The following MEIS2 variants were observed in gnomAD, a reference collection of about 807,000 sequenced individuals.
MEIS2 encodes the protein Meis homeobox 2.
A neutral mutation model predicts 58.6 loss-of-function variants in MEIS2; 9 were observed. The observed-to-expected ratio is 0.15, with a 90% CI of 0.09 to 0.27. The LOEUF is 0.27. Among genes scored for constraint, MEIS2 ranks in the 10% least tolerant of loss-of-function variants. MEIS2 has a pLI of 1.00. For missense variants in MEIS2, 427 were observed against 635.0 expected (o/e 0.67, Z 3.52); for synonymous variants, 221 against 228.4 (o/e 0.97, Z 0.29).
At chr15:37,004,144 C>T (rs559196492) in intron 8 of MEIS2, among the ~76,000 whole-genome samples, 83 of 152,248 alleles carry the variant, frequency 5.5e-4, no homozygotes, top group Non-Finnish European at 9.6e-4. Flanking sequence ...GTTGGTCATG[C>T]CTAGCAGTTT....
chr15:37,083,698 T>A (rs552549103), intron 7 of MEIS2, 73 bp downstream of exon 7: 2 of 1,250,178 alleles, frequency 1.6e-6, no homozygotes, highest in Admixed American at 1.9e-5. Flanking sequence ...GCGGCAGATG[T>A]ACTGATATCA....
chr15:36,941,083 G>A (rs1178959506), intron 9 of MEIS2, among the ~76,000 whole-genome samples: 1 of 151,978 alleles, frequency 6.6e-6, no homozygotes, highest in Non-Finnish European at 1.5e-5. Flanking sequence ...CACAAACACG[G>A]AAACACAGAA....
chr15:37,040,363 T>A (rs1050565485), intron 7 of MEIS2, among the ~76,000 whole-genome samples: 1 of 152,164 alleles, frequency 6.6e-6, no homozygotes, highest in African/African-American at 2.4e-5. Context: ...AACTTATCAA[T>A]GAGCTTATGC....
intron 7 of MEIS2, among the ~76,000 whole-genome samples, chr15:37,074,635 G>A (rs772067066): frequency 9.2e-5 from 14 of 151,940 alleles, no homozygotes; most frequent in Non-Finnish European, 1.8e-4. Context: ...AAGAGAGAGA[G>A]TAATAAAGGA....
chr15:37,006,668 C>T (rs191678268), intron 8 of MEIS2, among the ~76,000 whole-genome samples: 2 of 152,352 alleles, frequency 1.3e-5, no homozygotes, highest in East Asian at 1.9e-4. Context: ...TTACAACTGA[C>T]GTAGCTCACT....
chr15:37,092,399 T>C (rs935479781), intron 6 of MEIS2, among the ~76,000 whole-genome samples: 4 of 152,146 alleles, frequency 2.6e-5, no homozygotes, highest in Non-Finnish European at 5.9e-5. Context: ...CAGTCAGGAA[T>C]TGGGATGGGA....
chr15:36,891,578 A>T lies in MEIS2; in HGVS notation c.*595T>A, dbSNP rs1428721154. 1 of 153,534 alleles carries T rather than the reference A, an allele frequency of 6.5e-6. No individual in the cohort carries two copies. The highest frequency in any genetic ancestry group is 2.4e-5 in the African/African-American group (1 of 41,474). 9.5% of individuals were successfully genotyped at this position (153,534 alleles called of 1,614,324 possible). A position where few individuals can be genotyped will look rare whatever the true frequency, so the allele number is the denominator to read the frequency against. On this transcript the variant is annotated 3_prime_UTR_variant, in exon 12 of 12. Coordinates refer to ENST00000561208, the MANE Select transcript of MEIS2 (RefSeq NM_170675.5). ...AGAATTGGCTTATGAAGCACGAACTATAAAGATCTGTTTGAAACTAAAGGA... is the reference window on the plus strand; with the variant it reads ...AGAATTGGCTTATGAAGCACGAACTTTAAAGATCTGTTTGAAACTAAAGGA...
intron 8 of MEIS2, among the ~76,000 whole-genome samples, chr15:36,978,634 G>T (rs952623476): frequency 2.0e-5 from 3 of 152,030 alleles, no homozygotes; most frequent in African/African-American, 7.3e-5. Flanking sequence ...ATCCAGAAAG[G>T]GCTAGTATTT....
Position 37,098,136 on chromosome 15 carries a change from C to T in MEIS2, c.76G>A (p.Asp26Asn). The change falls in exon 2 of 12, where the codon GAC (aspartate) becomes AAC (asparagine). Residue 26 changes from aspartate (D) to asparagine (N), a missense_variant. By Grantham distance (23) the Asp-to-Asn change is conservative. Transcript: ENST00000561208. Reference sequence around the variant, plus strand: ...GGGATCGGCCGCGGCGCGTGAGGGTCTCCGTACATGGAAGCGGGAACCCCT... The same window carrying T: ...GGGATCGGCCGCGGCGCGTGAGGGTTTCCGTACATGGAAGCGGGAACCCCT... Reference protein sequence around the residue: ...GVGVPASMYGDPHAPRPIPPV... With the variant: ...GVGVPASMYGNPHAPRPIPPV... 6.2e-7 allele frequency: 1 copy of T among 1,613,370 alleles called. No homozygotes were observed.
chr15:37,028,094 A>G (rs553120125), intron 8 of MEIS2, among the ~76,000 whole-genome samples: 1 of 152,328 alleles, frequency 6.6e-6, no homozygotes, highest in South Asian at 2.1e-4. Context: ...CTGCCTATCA[A>G]TTACCTATTT....
At chr15:37,095,923 G>A (rs1349025706) in intron 3 of MEIS2, 2 of 457,856 alleles carry the variant, frequency 4.4e-6, no homozygotes, top group Non-Finnish European at 7.9e-6. Flanking sequence ...GCCTGGGACC[G>A]CTCGGAGAGG....
intron 9 of MEIS2, among the ~76,000 whole-genome samples, chr15:36,910,476 G>A (rs1421856690): frequency 6.6e-6 from 1 of 152,132 alleles, no homozygotes; most frequent in Non-Finnish European, 1.5e-5. Context: ...CCTGACTCTA[G>A]TTGTTCAGAT....
intron 8 of MEIS2, among the ~76,000 whole-genome samples, chr15:37,008,189 C>G (rs1337053570): frequency 6.6e-6 from 1 of 152,174 alleles, no homozygotes; most frequent in Non-Finnish European, 1.5e-5. Context: ...GATTATCTAG[C>G]TGGCTTGCTA....
At chr15:36,905,608 C>A (rs1447324878) in intron 9 of MEIS2, among the ~76,000 whole-genome samples, 1 of 152,042 alleles carries the variant, frequency 6.6e-6, no homozygotes, top group African/African-American at 2.4e-5. Flanking sequence ...TAATGTAAGG[C>A]TTATTTTCAT....
intron 6 of MEIS2, among the ~76,000 whole-genome samples, chr15:37,091,318 T>C (rs898785334): frequency 6.6e-6 from 1 of 152,150 alleles, no homozygotes; most frequent in Non-Finnish European, 1.5e-5. Flanking sequence ...CTGCATAAAA[T>C]ACAAGTCTGT....
chr15:37,077,582 T>C (rs1303198589), intron 7 of MEIS2, among the ~76,000 whole-genome samples: 1 of 152,072 alleles, frequency 6.6e-6, no homozygotes, highest in African/African-American at 2.4e-5. Context: ...ACCCAATTAA[T>C]ATGAAATGCT....
intron 8 of MEIS2, chr15:36,972,859 T>C (rs1567127908): frequency 6.6e-6 from 1 of 152,174 alleles, no homozygotes; most frequent in Non-Finnish European, 1.5e-5. Context: ...TTGAAACCAA[T>C]TTCTCATATC....
chr15:36,967,346 A>G (rs1200837310), intron 8 of MEIS2, among the ~76,000 whole-genome samples: 1 of 152,204 alleles, frequency 6.6e-6, no homozygotes, highest in Non-Finnish European at 1.5e-5. Context: ...GGATGCAAAA[A>G]AGAATCTTCA....
chr15:36,906,651 GAA>G lies in MEIS2; in HGVS notation c.978-9967_978-9966del, dbSNP rs56715244. ...CTGACAAAGTATGTCAGCCACTCAAGAAAAAAAAAAAAAAAAAAAACAAGGAC... is the reference window on the plus strand; with the variant it reads ...CTGACAAAGTATGTCAGCCACTCAAGAAAAAAAAAAAAAAAAAACAAGGAC... On this transcript the variant is annotated intron_variant, in intron 9 of 11. Coordinates refer to ENST00000561208, the MANE Select transcript of MEIS2 (RefSeq NM_170675.5). Among the ~76,000 whole-genome samples, 123 of 96,524 alleles carry G rather than the reference GAA, an allele frequency of 1.3e-3. 1 individual carries two copies. Among genetic ancestry groups the G allele is most frequent in the South Asian group, 0.012 (35 of 2,820 alleles). The allele number at this position is 96,524 out of a possible 152,430, so 63.3% of individuals were successfully genotyped here.
Sources: allele counts gnomAD v4.1 joint callset (sites outside exome capture counted in the v4.1 genomes callset), GRCh38; gene constraint gnomAD v4.1.1; transcripts MANE v1.5; gene names NCBI Gene and HGNC (gene_info 2026-07-23, HGNC 2026-07-21).